ARHGEF7: variants seen among roughly 807,000 people sequenced by gnomAD.
ARHGEF7 encodes the protein Rho guanine nucleotide exchange factor 7, also known as PAK-interacting exchange factor beta.
Under a neutral mutation model 109.8 loss-of-function variants are expected in ARHGEF7, and 33 were observed. The ratio of observed to expected loss-of-function variants is 0.30; its 90% confidence interval spans 0.23 to 0.40. The LOEUF is 0.40. Ranked by LOEUF, ARHGEF7 falls within the 10% of genes least tolerant of loss-of-function variation. The pLI is 1.00. For synonymous variants in ARHGEF7, 458 were observed against 424.6 expected (o/e 1.08, Z -0.97); for missense variants, 938 against 1,098.5 (o/e 0.85, Z 2.07).
At chr13:111,246,791 G>T (rs2088930245) in intron 8 of ARHGEF7, among the ~76,000 whole-genome samples, 1 of 152,170 alleles carries the variant, frequency 6.6e-6, no homozygotes, top group Non-Finnish European at 1.5e-5. Flanking sequence ...GTAAATGCTT[G>T]CCTCTGTTTT....
intron 19 of ARHGEF7, among the ~76,000 whole-genome samples, chr13:111,296,546 G>A (rs1427898043): frequency 1.3e-5 from 2 of 152,092 alleles, no homozygotes; most frequent in Admixed American, 6.6e-5. Context: ...CATTATATTC[G>A]TGTTTTTCTT....
At chr13:111,211,061 A>G (rs2082428254) in intron 4 of ARHGEF7, among the ~76,000 whole-genome samples, 1 of 152,210 alleles carries the variant, frequency 6.6e-6, no homozygotes, top group South Asian at 2.1e-4. Context: ...GCTCGCTATC[A>G]TTGCTGTGTC....
intron 1 of ARHGEF7, among the ~76,000 whole-genome samples, chr13:111,133,781 AT>A (rs1566606601): frequency 0.065 from 4,704 of 72,554 alleles, 562 homozygotes; most frequent in East Asian, 0.31. Context: ...ATATATATAT[AT>A]ATATATATAT....
Position 111,228,082 on chromosome 13 carries a change from G to A in ARHGEF7, c.671-5123G>A, listed in dbSNP as rs1271366392. Among the ~76,000 whole-genome samples, 4 of 152,166 alleles carry A rather than the reference G, an allele frequency of 2.6e-5. No homozygotes were observed. Among genetic ancestry groups the A allele is most frequent in the Admixed American group, 6.5e-5 (1 of 15,284 alleles). On this transcript the variant is annotated intron_variant, in intron 5 of 21. Coordinates refer to ENST00000646102, the MANE Select transcript of ARHGEF7 (RefSeq NM_001354046.2). This position sits in a 1 kb window ranked among gnomAD's most constrained non-coding sequence, Gnocchi z 4.6. ...AGAAGTTATGAAGCACATCTGAGGT[G>A]TCCTGCACGGCACATGAGGTAAGCG...
intron 2 of ARHGEF7, among the ~76,000 whole-genome samples, chr13:111,185,449 G>A (rs898042460): frequency 6.6e-6 from 1 of 152,084 alleles, no homozygotes; most frequent in Non-Finnish European, 1.5e-5. Context: ...CTCTCATTTC[G>A]GTGGCACCTT....
chr13:111,216,347 G>A (rs994842896), intron 4 of ARHGEF7, among the ~76,000 whole-genome samples: 2 of 152,186 alleles, frequency 1.3e-5, no homozygotes, highest in African/African-American at 4.8e-5. Context: ...GTGGTCTCAG[G>A]CCTTCCCTGT....
intron 6 of ARHGEF7, among the ~76,000 whole-genome samples, chr13:111,237,128 A>T (rs1270941160): frequency 6.6e-6 from 1 of 152,212 alleles, no homozygotes; most frequent in African/African-American, 2.4e-5. Flanking sequence ...CTTTTAGGCT[A>T]CCTAATGAGA....
chr13:111,289,231 AC>A (rs1209511052), intron 18 of ARHGEF7, among the ~76,000 whole-genome samples: 2 of 152,094 alleles, frequency 1.3e-5, no homozygotes, highest in African/African-American at 4.8e-5. Context: ...ATGGGGTTTC[AC>A]CCTTTGGGCC....
At chr13:111,170,209 T>G (rs547436423) in intron 2 of ARHGEF7, among the ~76,000 whole-genome samples, 1 of 152,234 alleles carries the variant, frequency 6.6e-6, no homozygotes, top group Non-Finnish European at 1.5e-5. Flanking sequence ...GCAGTACTCA[T>G]GCCTCAACCT....
intron 6 of ARHGEF7, among the ~76,000 whole-genome samples, chr13:111,234,952 AGT>A (rs2086598273): frequency 6.6e-6 from 1 of 152,102 alleles, no homozygotes; most frequent in Non-Finnish European, 1.5e-5. Context: ...TTCGCTTTTT[AGT>A]GTGTAATGTA....
At chr13:111,226,235 A>G (rs2085192410) in intron 5 of ARHGEF7, among the ~76,000 whole-genome samples, 1 of 152,186 alleles carries the variant, frequency 6.6e-6, no homozygotes, top group African/African-American at 2.4e-5. Context: ...AAGCTAATGG[A>G]GGTTAGTGCA....
At position 111,292,251 on chromosome 13, in the gene ARHGEF7, C is replaced by T. The variant is rs1387167488; in HGVS notation, c.2268C>T (p.Asp756=). 1 of 1,614,100 alleles carries T rather than the reference C, an allele frequency of 6.2e-7. No individual in the cohort carries two copies. Among genetic ancestry groups the T allele is most frequent in the African/African-American group, 1.3e-5 (1 of 74,946 alleles). The change falls in exon 19 of 22, where the codon GAC becomes GAT. Residue 756 remains aspartate (D), a synonymous_variant. Coordinates refer to ENST00000646102, the MANE Select transcript of ARHGEF7 (RefSeq NM_001354046.2). The part of the protein sequence containing the change: ...PSDLSEDSDY[D]SIWTAHSYRM... ...ACCTCTCGGAAGACTCTGACTATGA[C>T]AGTATATGGACAGCCCATAGTTACA...
At chr13:111,282,940 T>C in intron 15 of ARHGEF7, 199 bp from the exon 16 acceptor site, 1 of 777,406 alleles carries the variant, frequency 1.3e-6, no homozygotes, top group South Asian at 1.8e-5. Flanking sequence ...AGCCCCACGC[T>C]CGGCCCAGGT....
chr13:111,294,247 A>T (rs901757677), intron 19 of ARHGEF7: 2 of 985,326 alleles, frequency 2.0e-6, no homozygotes, highest in Non-Finnish European at 2.4e-6. Context: ...TGTATTACAT[A>T]CGGTAGTCCT....
At chr13:111,285,844 C>T (rs74923103) in intron 16 of ARHGEF7, among the ~76,000 whole-genome samples, 3,265 of 152,116 alleles carry the variant, frequency 0.021, 121 homozygotes, top group African/African-American at 0.075. Flanking sequence ...TGCACACCAG[C>T]GCCAGCCTGC....
intron 5 of ARHGEF7, among the ~76,000 whole-genome samples, chr13:111,229,509 A>C (rs556362122): frequency 6.6e-6 from 1 of 152,176 alleles, no homozygotes; most frequent in East Asian, 1.9e-4. Flanking sequence ...GATTGGTCCT[A>C]ATTGCGTATC....
At chr13:111,267,322 C>G (rs901517833) in intron 8 of ARHGEF7, among the ~76,000 whole-genome samples, 1 of 152,018 alleles carries the variant, frequency 6.6e-6, no homozygotes, top group African/African-American at 2.4e-5. Context: ...GCTGTGCAGT[C>G]TGAATGCTGC....
intron 2 of ARHGEF7, chr13:111,187,041 T>G (rs1016233194): frequency 1.0e-6 from 1 of 984,842 alleles, no homozygotes; most frequent in African/African-American, 1.7e-5. Context: ...GGTGTGGGTA[T>G]TGGGAGGGTG....
intron 17 of ARHGEF7, among the ~76,000 whole-genome samples, chr13:111,287,042 C>A (rs1304647088): frequency 6.6e-6 from 1 of 152,212 alleles, no homozygotes; most frequent in African/African-American, 2.4e-5. Flanking sequence ...CAGCAGCCGT[C>A]CCACACGCTC....
Sources: gnomAD v4.1 joint callset for allele counts (sites outside exome capture counted in the v4.1 genomes callset) on GRCh38, gnomAD v4.1.1 for gene constraint, Gnocchi (gnomAD v3.1) non-coding constraint, MANE v1.5 for transcripts, NCBI Gene and HGNC (gene_info 2026-07-23, HGNC 2026-07-21) for gene names.